PDE1A: variants seen among roughly 807,000 people sequenced by gnomAD.
The protein encoded by PDE1A is phosphodiesterase 1A.
PDE1A carries 35 observed loss-of-function variants against 61.7 expected under a neutral mutation model. The ratio of observed to expected loss-of-function variants is 0.57; its 90% CI spans 0.43 to 0.75. The LOEUF (loss-of-function observed/expected upper bound fraction) is 0.75, where lower values mean the gene tolerates loss of function less well. Among genes scored for constraint, PDE1A ranks in the 30% least tolerant of loss-of-function variants. The pLI is 0.00. For missense variants in PDE1A, 597 were observed against 630.6 expected (o/e 0.95, Z 0.57); for synonymous variants, 232 against 213.2 (o/e 1.09, Z -0.77).
chr2:182,646,903 G>A, the PDE1A span, among the ~76,000 whole-genome samples: 1 of 152,180 alleles, frequency 6.6e-6, no homozygotes, highest in African/African-American at 2.4e-5. Context: ...TAGCCATCAG[G>A]CTCTCTGGTA....
At chr2:182,259,122 C>T (rs1207813028) in intron 2 of PDE1A, among the ~76,000 whole-genome samples, 2 of 152,198 alleles carry the variant, frequency 1.3e-5, no homozygotes, top group Non-Finnish European at 2.9e-5. Flanking sequence ...CTAAATGACG[C>T]TCAATTTCTT....
chr2:182,584,997 G>A, the PDE1A span, among the ~76,000 whole-genome samples: 11 of 152,192 alleles, frequency 7.2e-5, no homozygotes, highest in African/African-American at 2.7e-4. Flanking sequence ...AAAGTAAGAG[G>A]GTTCTTCAAC....
intron 1 of PDE1A, among the ~76,000 whole-genome samples, chr2:182,423,742 GT>G (rs891741076): frequency 4.6e-5 from 7 of 151,886 alleles, no homozygotes; most frequent in African/African-American, 1.5e-4. Context: ...GATATGTCAC[GT>G]GAGGGCACAT....
At chr2:182,579,708 A>T in the PDE1A span, among the ~76,000 whole-genome samples, 1 of 152,182 alleles carries the variant, frequency 6.6e-6, no homozygotes, top group Non-Finnish European at 1.5e-5. Context: ...ACCTAGAAGC[A>T]AGTACATGGT....
the PDE1A span, among the ~76,000 whole-genome samples, chr2:182,697,444 C>T: frequency 1.5e-3 from 229 of 152,320 alleles, 1 homozygote; most frequent in African/African-American, 5.5e-3. Context: ...TAGATCTCTT[C>T]CTCAGTTTCC....
chr2:182,392,931 G>A (rs1701500881), intron 1 of PDE1A, among the ~76,000 whole-genome samples: 1 of 152,258 alleles, frequency 6.6e-6, no homozygotes, highest in Admixed American at 6.5e-5. Flanking sequence ...CTGAGCTAGT[G>A]TTGTGTCTGT....
intron 2 of PDE1A, among the ~76,000 whole-genome samples, chr2:182,458,518 C>T (rs12466937): frequency 0.18 from 27,753 of 151,836 alleles, 3,056 homozygotes; most frequent in Middle Eastern, 0.35. Context: ...TATAGAGTGA[C>T]CAGAGTGATA....
chr2:182,485,413 G>A (rs912432961), intron 2 of PDE1A, among the ~76,000 whole-genome samples: 4 of 151,828 alleles, frequency 2.6e-5, no homozygotes, highest in African/African-American at 4.8e-5. Context: ...TACCTATTGC[G>A]TACTGGGCTT....
intron 1 of PDE1A, among the ~76,000 whole-genome samples, chr2:182,345,409 T>C (rs1698459517): frequency 6.6e-6 from 1 of 152,218 alleles, no homozygotes; most frequent in Non-Finnish European, 1.5e-5. Flanking sequence ...ATAAATATTA[T>C]TTCCTGCTTC....
At chr2:182,430,702 C>T (rs1703892131), upstream of PDE1A, among the ~76,000 whole-genome samples, 3 of 132,140 alleles carry the variant, frequency 2.3e-5, no homozygotes, top group South Asian at 8.3e-4. Context: ...GACTTGGAAC[C>T]AACACAAATG....
chr2:182,494,957 C>G (rs1227975524), intron 2 of PDE1A, among the ~76,000 whole-genome samples: 1 of 152,134 alleles, frequency 6.6e-6, no homozygotes, highest in African/African-American at 2.4e-5. Context: ...GGTCTTCTCA[C>G]TGCAGTTTCT....
intron 2 of PDE1A, among the ~76,000 whole-genome samples, chr2:182,508,544 T>G (rs1256401181): frequency 1.3e-5 from 2 of 151,762 alleles, no homozygotes; most frequent in African/African-American, 4.8e-5. Flanking sequence ...ACGTGGATAT[T>G]TAGGAATGAC....
chr2:182,184,014 G>GA (rs1553524519), intron 13 of PDE1A, among the ~76,000 whole-genome samples: 1 of 39,850 alleles, frequency 2.5e-5, no homozygotes, highest in East Asian at 8.6e-4. Context: ...AGAGAAGAAA[G>GA]AAAGAAAGAA....
the PDE1A span, among the ~76,000 whole-genome samples, chr2:182,590,885 T>C: frequency 5.3e-5 from 8 of 152,210 alleles, no homozygotes; most frequent in Non-Finnish European, 1.2e-4. Context: ...CTCAGTTGTG[T>C]TCTCACAATT....
the PDE1A span, among the ~76,000 whole-genome samples, chr2:182,598,113 A>G: frequency 6.6e-6 from 1 of 152,264 alleles, no homozygotes; most frequent in South Asian, 2.1e-4. Context: ...ATGCACAGCC[A>G]TAACAGCTTC....
intron 1 of PDE1A, among the ~76,000 whole-genome samples, chr2:182,342,506 A>G (rs758001872): frequency 2.0e-5 from 3 of 152,178 alleles, no homozygotes; most frequent in Non-Finnish European, 4.4e-5. Context: ...ACACGGTGAA[A>G]CCTCATCTCT....
the PDE1A span, among the ~76,000 whole-genome samples, chr2:182,645,421 C>T: frequency 7.9e-5 from 12 of 152,258 alleles, no homozygotes; most frequent in East Asian, 1.5e-3. Context: ...GGCAATCTAT[C>T]TTTTTTCACA....
rs557629084 is a variant in PDE1A, at chr2:182,342,677, C to T, written c.54-78263G>A. On this transcript the variant is annotated intron_variant, in intron 1 of 13. Coordinates refer to ENST00000351439, the Ensembl canonical transcript of PDE1A. ...CAGCCTGGGCAACAAAGCGAGACTC[C>T]GTCTCAAAAATGAAAAACAAAACAA... is the stretch of plus-strand genomic sequence containing the variant. Among the ~76,000 whole-genome samples, 19 of 152,174 alleles carry T rather than the reference C, an allele frequency of 1.2e-4. 2 individuals carry two copies. The South Asian group carries it at 2.7e-3, about 22-fold the overall frequency.
At chr2:182,218,254 C>G (rs1462283543) in intron 7 of PDE1A, among the ~76,000 whole-genome samples, 1 of 129,898 alleles carries the variant, frequency 7.7e-6, no homozygotes, top group African/African-American at 2.9e-5. Flanking sequence ...GAACATCACA[C>G]TCTGGGGACT....
Sources: allele counts gnomAD v4.1 joint callset (sites outside exome capture counted in the v4.1 genomes callset), GRCh38; gene constraint gnomAD v4.1.1; transcripts MANE v1.5; gene names NCBI Gene and HGNC (gene_info 2026-07-23, HGNC 2026-07-21).